Variants in CARMIL1 observed in about 807,000 individuals in gnomAD.
The protein encoded by CARMIL1 is F-actin-uncapping protein LRRC16A.
CARMIL1 carries 90 observed loss-of-function variants against 177.1 expected under a neutral mutation model. The observed-to-expected ratio is 0.51, with a 90% confidence interval of 0.43 to 0.61. The LOEUF (loss-of-function observed/expected upper bound fraction) is 0.61, where lower values mean the gene tolerates loss of function less well. Ranked by LOEUF, CARMIL1 falls within the 20% of genes least tolerant of loss-of-function variation. CARMIL1 has a pLI of 0.00. For missense variants in CARMIL1, 1,380 were observed against 1,667.0 expected (o/e 0.83, Z 3.00); for synonymous variants, 577 against 606.2 (o/e 0.95, Z 0.71).
At position 25,600,378 on chromosome 6, in the gene CARMIL1, C is replaced by G. The variant is rs1014384826; in HGVS notation, c.3184C>G (p.Arg1062Gly). The change falls in exon 33 of 37, where the codon CGA (arginine) becomes GGA (glycine). Residue 1062 changes from arginine to glycine, a missense_variant. Physicochemically the swap from Arg to Gly is moderately radical, Grantham distance 125. Coordinates refer to ENST00000329474, the MANE Select transcript of CARMIL1 (RefSeq NM_017640.6). ...TGAAGGAGGAGATGAAAAGAAAAAGCGAGATTCTCGGAAAAGTAGTGGCTT... is the reference window on the plus strand; with the variant it reads ...TGAAGGAGGAGATGAAAAGAAAAAGGGAGATTCTCGGAAAAGTAGTGGCTT... ...LNEGGDEKKK[R>G]DSRKSSGFLN... 5.6e-6 allele frequency: 9 copies of G among 1,613,764 alleles called. No individual in the cohort carries two copies. The Admixed American group carries it at 6.7e-5, about 12-fold the overall frequency.
intron 24 of CARMIL1, among the ~76,000 whole-genome samples, chr6:25,536,471 T>C (rs1808314532): frequency 6.6e-6 from 1 of 152,126 alleles, no homozygotes; most frequent in Non-Finnish European, 1.5e-5. Context: ...CTCAAGATAA[T>C]AACGTATGTA....
chr6:25,292,696 C>T (rs1782071097), intron 2 of CARMIL1, among the ~76,000 whole-genome samples: 1 of 152,172 alleles, frequency 6.6e-6, no homozygotes, highest in South Asian at 2.1e-4. Context: ...ATACACCAGG[C>T]TCGGTGTAAC....
chr6:25,518,825 A>G (rs554678717), intron 22 of CARMIL1, among the ~76,000 whole-genome samples: 3 of 152,348 alleles, frequency 2.0e-5, no homozygotes, highest in African/African-American at 7.2e-5. Context: ...TTTGGTTTAA[A>G]TAAACTATGC....
chr6:25,462,378 A>T (rs77820282), intron 8 of CARMIL1, among the ~76,000 whole-genome samples: 1 of 152,018 alleles, frequency 6.6e-6, no homozygotes, highest in Non-Finnish European at 1.5e-5. Context: ...ATATGCACAC[A>T]TAGTATTTTG....
chr6:25,551,119 C>A (rs757013108), intron 27 of CARMIL1, 34 bp downstream of exon 27: 26 of 1,562,102 alleles, frequency 1.7e-5, no homozygotes, highest in Non-Finnish European at 1.6e-5. Context: ...CTAGGAGCTG[C>A]AGTTTCTGTA....
At chr6:25,373,589 CTT>C (rs200205287) in intron 2 of CARMIL1, among the ~76,000 whole-genome samples, 7,162 of 141,248 alleles carry the variant, frequency 0.051, 170 homozygotes, top group Middle Eastern at 0.11. Flanking sequence ...CTCTCTCTCT[CTT>C]TTTTTTTTTT....
At chr6:25,329,968 A>T (rs761194470) in intron 2 of CARMIL1, among the ~76,000 whole-genome samples, 2 of 152,216 alleles carry the variant, frequency 1.3e-5, no homozygotes, top group Non-Finnish European at 2.9e-5. Flanking sequence ...ACTTGATCCT[A>T]TTCAGCGTCA....
chr6:25,413,209 G>A (rs1223639357), intron 2 of CARMIL1, among the ~76,000 whole-genome samples: 2 of 152,276 alleles, frequency 1.3e-5, no homozygotes, highest in East Asian at 3.9e-4. Context: ...CTGGGAGTTT[G>A]GAAGGGGAAA....
chr6:25,482,727 G>A (rs142945994), intron 12 of CARMIL1, among the ~76,000 whole-genome samples: 322 of 152,270 alleles, frequency 2.1e-3, no homozygotes, highest in African/African-American at 7.1e-3. Context: ...ACAGAAAACT[G>A]TTGGGCTTAA....
At chr6:25,552,727 A>G (rs933839702) in intron 27 of CARMIL1, among the ~76,000 whole-genome samples, 1 of 152,160 alleles carries the variant, frequency 6.6e-6, no homozygotes, top group Non-Finnish European at 1.5e-5. Flanking sequence ...ACAATTTGAA[A>G]TAGATGAACC....
intron 26 of CARMIL1, among the ~76,000 whole-genome samples, chr6:25,543,840 TAA>T (rs1258300890): frequency 6.6e-6 from 1 of 152,114 alleles, no homozygotes; most frequent in African/African-American, 2.4e-5. Flanking sequence ...TGTAATGAAT[TAA>T]AAGTCACTGG....
chr6:25,373,395 T>G (rs997165334), intron 2 of CARMIL1, among the ~76,000 whole-genome samples: 11 of 147,804 alleles, frequency 7.4e-5, no homozygotes, highest in Non-Finnish European at 1.7e-4. Context: ...CCTTCGGCTT[T>G]TTTTTTTTTT....
intron 2 of CARMIL1, among the ~76,000 whole-genome samples, chr6:25,417,470 C>G (rs781712833): frequency 9.9e-5 from 15 of 152,198 alleles, no homozygotes; most frequent in Non-Finnish European, 1.8e-4. Flanking sequence ...AAGAGTTCAG[C>G]TCTCCAGGGC....
At chr6:25,493,039 A>G (rs1803385081) in intron 15 of CARMIL1, among the ~76,000 whole-genome samples, 1 of 152,214 alleles carries the variant, frequency 6.6e-6, no homozygotes, top group Non-Finnish European at 1.5e-5. Context: ...ATTGAAACCT[A>G]GTCAACTCAT....
chr6:25,313,498 A>G (rs1784007600), intron 2 of CARMIL1, among the ~76,000 whole-genome samples: 1 of 152,044 alleles, frequency 6.6e-6, no homozygotes, highest in African/African-American at 2.4e-5. Context: ...CATAGTGGGC[A>G]GAAAGATGGG....
In CARMIL1 at chr6:25,435,470, C is replaced by T; in HGVS notation, c.250-13C>T. 1.3e-6 allele frequency: 2 copies of T among 1,549,480 alleles called. No homozygotes were observed. Among genetic ancestry groups the T allele is most frequent in the Non-Finnish European group, 8.7e-7 (1 of 1,145,902 alleles). ...GGACTCATTCTTAAGAAGTGTCCCACCGGTTCTTGCAGATGATTGTGGAAA... is the reference window on the plus strand; with the variant it reads ...GGACTCATTCTTAAGAAGTGTCCCATCGGTTCTTGCAGATGATTGTGGAAA... On this transcript the variant is annotated splice_polypyrimidine_tract_variant and intron_variant, in intron 4 of 36. Transcript: ENST00000329474.
At chr6:25,544,643 A>ACC (rs1290986531) in intron 26 of CARMIL1, among the ~76,000 whole-genome samples, 2 of 138,852 alleles carry the variant, frequency 1.4e-5, no homozygotes, top group Admixed American at 7.2e-5. Flanking sequence ...ACACACACAC[A>ACC]CACCCCAAAC....
chr6:25,490,595 G>A (rs1803103902), intron 13 of CARMIL1, among the ~76,000 whole-genome samples: 1 of 152,126 alleles, frequency 6.6e-6, no homozygotes, highest in Non-Finnish European at 1.5e-5. Flanking sequence ...CCACTCAGGA[G>A]GTTGAAGCGG....
chr6:25,443,491 G>C (rs1797949473), intron 5 of CARMIL1, among the ~76,000 whole-genome samples: 1 of 152,168 alleles, frequency 6.6e-6, no homozygotes, highest in South Asian at 2.1e-4. Context: ...AATGACATCT[G>C]ACATGTATTA....
Sources: allele counts gnomAD v4.1 joint callset (sites outside exome capture counted in the v4.1 genomes callset), GRCh38; gene constraint gnomAD v4.1.1; transcripts MANE v1.5; gene names NCBI Gene and HGNC (gene_info 2026-07-23, HGNC 2026-07-21).